Variants in SPACA1 observed in about 807,000 individuals in gnomAD.
The protein encoded by SPACA1 is sperm acrosome membrane-associated protein 1.
Under a neutral mutation model 32.6 loss-of-function variants are expected in SPACA1, and 17 were observed. The observed-to-expected ratio is 0.52, with a 90% CI of 0.36 to 0.78. SPACA1 has a LOEUF of 0.78. Among genes scored for constraint, SPACA1 ranks in the 30% least tolerant of loss-of-function variants. The pLI is 0.01. For missense variants in SPACA1, 363 were observed against 373.4 expected, an observed-to-expected ratio of 0.97 and a Z score of 0.23; for synonymous variants, 140 against 138.1, an observed-to-expected ratio of 1.01 and a Z score of -0.10.
chr6:88,065,275 TAATG>T (rs1182428212), intron 6 of SPACA1, among the ~76,000 whole-genome samples: 2 of 148,530 alleles, frequency 1.3e-5, no homozygotes, highest in Non-Finnish European at 3.0e-5. Flanking sequence ...AGACTAAAAA[TAATG>T]AATGAAAAAC....
At chr6:88,053,843 G>C (rs1371637442) in intron 1 of SPACA1, 103 bp from the exon 2 acceptor site, 1 of 854,452 alleles carries the variant, frequency 1.2e-6, no homozygotes, top group African/African-American at 1.7e-5. Context: ...AAAAATGTCT[G>C]CTGCCCATAT....
chr6:88,047,651 G>A (rs1033298482), upstream of SPACA1: 3 of 414,212 alleles, frequency 7.2e-6, no homozygotes, highest in African/African-American at 4.1e-5. Context: ...GGGGAAGGGC[G>A]GCGTCCTCTC....
intron 1 of SPACA1, among the ~76,000 whole-genome samples, chr6:88,052,039 C>T (rs1775735197): frequency 1.3e-5 from 2 of 152,156 alleles, no homozygotes; most frequent in African/African-American, 2.4e-5. Context: ...TTTTACCACT[C>T]ATAGGTTTAT....
rs1775992659 is a variant in SPACA1 at position 88,066,830 on chromosome 6, T to G, written c.*495T>G. The G allele has an allele frequency of 1.3e-5, 2 of 152,412 alleles. No homozygotes were observed. The highest frequency in any genetic ancestry group is 1.3e-4 in the Admixed American group (2 of 15,328). 9.4% of individuals were successfully genotyped at this position (152,412 alleles called of 1,614,324 possible). Reference sequence around the variant, plus strand: ...ATGATAACAATAAATGCTTACTTAGTGACTACTATGTGCCAAGCATTGCTC... The same window carrying G: ...ATGATAACAATAAATGCTTACTTAGGGACTACTATGTGCCAAGCATTGCTC... On this transcript the variant is annotated 3_prime_UTR_variant, in exon 7 of 7. Coordinates refer to ENST00000237201, the MANE Select transcript of SPACA1 (RefSeq NM_030960.3).
intron 5 of SPACA1, among the ~76,000 whole-genome samples, 179 bp from the exon 6 acceptor site, chr6:88,063,916 TTAAC>T (rs1282801657): frequency 5.9e-5 from 9 of 152,192 alleles, no homozygotes; most frequent in African/African-American, 2.2e-4. Context: ...TCAAATTCTT[TTAAC>T]TTTTTTCATG....
intron 1 of SPACA1, among the ~76,000 whole-genome samples, chr6:88,052,749 A>G (rs1775747347): frequency 6.6e-6 from 1 of 152,156 alleles, no homozygotes; most frequent in Non-Finnish European, 1.5e-5. Context: ...AAGCAGAAGA[A>G]TCACTTGTGC....
In SPACA1 at chr6:88,058,784, C is replaced by T. The variant is rs368572755; in HGVS notation, c.436C>T (p.Arg146Cys). ...ATGTATTCACACATCTCCCTTAAAT[C>T]GTTTCAAATATATGTGGAAACTTCT... ...LACIHTSPLN[R>C]FKYMWKLLRQ... Residue 146 changes from arginine (R) to cysteine (C), a missense_variant, in exon 4 of 7, where the codon CGT becomes TGT. By Grantham distance (180) the Arg-to-Cys change is radical. Transcript: ENST00000237201. The T allele has an allele frequency of 1.2e-6, 2 of 1,613,566 alleles. No homozygotes were observed. The highest frequency in any genetic ancestry group is 1.1e-5 in the South Asian group (1 of 91,004).
rs1243424727 is a variant in SPACA1, at chr6:88,047,959, G to T, written c.54G>T (p.Trp18Cys). The change falls in exon 1 of 7, where the codon TGG becomes TGT. Residue 18 changes from tryptophan to cysteine, a missense_variant. Trp to Cys is a radical substitution (Grantham distance 215). Transcript: ENST00000237201. The stretch of plus-strand genomic sequence containing the variant: ...CCGGGCTGCTGATGACTGTCGGCTG[G>T]CTGCTTCTGGCGGGCCTCCAGTCCG... The part of the protein sequence containing the change: ...CSAGLLMTVG[W>C]LLLAGLQSAR... 2.5e-6 allele frequency: 4 copies of T among 1,570,576 alleles called. No individual in the cohort carries two copies. Among genetic ancestry groups the T allele is most frequent in the Non-Finnish European group, 3.5e-6 (4 of 1,159,008 alleles).
In SPACA1 at chr6:88,064,141, C is replaced by G; in HGVS notation, c.653C>G (p.Ala218Gly). The G allele has an allele frequency of 1.2e-6, 2 of 1,613,298 alleles. No individual in the cohort carries two copies. The highest frequency in any genetic ancestry group is 1.7e-6 in the Non-Finnish European group (2 of 1,179,542). Reference sequence around the variant, plus strand: ...TCAAGCCTACCAGCCACTGATGCAGCCCTAATTTTTGTGCTGACCATAGGA... The same window carrying G: ...TCAAGCCTACCAGCCACTGATGCAGGCCTAATTTTTGTGCTGACCATAGGA... ...RRSSLPATDA[A>G]LIFVLTIGVI... is the part of the protein sequence containing the mutation. The change falls in exon 6 of 7, where the codon GCC (alanine) becomes GGC (glycine). Residue 218 changes from alanine to glycine, a missense_variant. Transcript: ENST00000237201.
intron 5 of SPACA1, among the ~76,000 whole-genome samples, chr6:88,060,367 T>C (rs1018941733): frequency 1.3e-5 from 2 of 152,178 alleles, no homozygotes; most frequent in Non-Finnish European, 2.9e-5. Flanking sequence ...GGATCCTTTT[T>C]CCAGAAAAAT....
intron 5 of SPACA1, among the ~76,000 whole-genome samples, chr6:88,061,576 C>G (rs976400948): frequency 2.0e-5 from 3 of 152,022 alleles, no homozygotes; most frequent in Non-Finnish European, 2.9e-5. Context: ...TACCAGAATC[C>G]AAGGAATTTC....
At chr6:88,060,468 G>A (rs957293786) in intron 5 of SPACA1, among the ~76,000 whole-genome samples, 1 of 152,176 alleles carries the variant, frequency 6.6e-6, no homozygotes, top group African/African-American at 2.4e-5. Flanking sequence ...AAGAGCTTCT[G>A]CTGTAGTTTA....
At chr6:88,062,425 C>T (rs550009572) in intron 5 of SPACA1, among the ~76,000 whole-genome samples, 1 of 152,270 alleles carries the variant, frequency 6.6e-6, no homozygotes, top group South Asian at 2.1e-4. Flanking sequence ...ATCAGATGAT[C>T]TCTGTAGTTC....
intron 1 of SPACA1, among the ~76,000 whole-genome samples, chr6:88,052,320 A>G (rs1775739539): frequency 6.6e-6 from 1 of 152,132 alleles, no homozygotes. Context: ...AAAAAGGCTT[A>G]TATTTAAAAG....
At chr6:88,059,339 C>T in intron 4 of SPACA1, 114 bp from the exon 5 acceptor site, 1 of 907,316 alleles carries the variant, frequency 1.1e-6, no homozygotes, top group Non-Finnish European at 1.6e-6. Context: ...TCATTAATTA[C>T]TCAACTAGGC....
chr6:88,047,546 G>A (rs971463974), upstream of SPACA1, among the ~76,000 whole-genome samples: 2 of 152,162 alleles, frequency 1.3e-5, no homozygotes, highest in African/African-American at 4.8e-5. Context: ...CTGAAGAGTC[G>A]CTCCATAAAC....
At chr6:88,065,915 G>A (rs111586141) in intron 6 of SPACA1, among the ~76,000 whole-genome samples, 109 of 151,558 alleles carry the variant, frequency 7.2e-4, no homozygotes, top group Middle Eastern at 3.4e-3. Flanking sequence ...TCATAAATAC[G>A]TTTATATTCT....
chr6:88,063,378 T>C (rs936601027), intron 5 of SPACA1, among the ~76,000 whole-genome samples: 7 of 152,156 alleles, frequency 4.6e-5, no homozygotes. Flanking sequence ...AAAAAAATGA[T>C]AGTTGCATAT....
At chr6:88,064,338 C>G in intron 6 of SPACA1, 119 bp downstream of exon 6, 2 of 1,021,280 alleles carry the variant, frequency 2.0e-6, no homozygotes, top group Non-Finnish European at 2.7e-6. Context: ...TTGAAACTGT[C>G]CATCGCCTTT....
Sources: allele counts gnomAD v4.1 joint callset (sites outside exome capture counted in the v4.1 genomes callset), GRCh38; gene constraint gnomAD v4.1.1; transcripts MANE v1.5; gene names NCBI Gene and HGNC (gene_info 2026-07-23, HGNC 2026-07-21).